Variants in KMT2C observed in about 807,000 individuals in gnomAD.
KMT2C encodes the protein histone-lysine N-methyltransferase 2C.
A neutral mutation model predicts 507.9 loss-of-function variants in KMT2C; 88 were observed. The observed-to-expected ratio is 0.17, with a 90% CI of 0.15 to 0.21. KMT2C has a LOEUF of 0.21. Ranked by LOEUF, KMT2C falls within the 10% of genes least tolerant of loss-of-function variation. KMT2C has a pLI of 1.00. For missense variants in KMT2C, 4,954 were observed against 5,957.8 expected (o/e 0.83, Z 5.55); for synonymous variants, 2,049 against 2,080.8 (o/e 0.98, Z 0.42).
chr7:152,195,056 AT>A, intron 28 of KMT2C, among the ~76,000 whole-genome samples: 1 of 152,316 alleles, frequency 6.6e-6, no homozygotes, highest in East Asian at 1.9e-4. Flanking sequence ...TATAGGTAAT[AT>A]TTTTAAAGTA....
chr7:152,136,598 G>T lies in KMT2C; in HGVS notation c.*234C>A. ...GAAAAGAAAAAAAAGCAAAAGTGCT[G>T]GACCATTCTGTGATTCCGTTTAACC... On this transcript the variant is annotated 3_prime_UTR_variant, in exon 59 of 59. Coordinates refer to ENST00000262189, the MANE Select transcript of KMT2C (RefSeq NM_170606.3). 2.0e-6 allele frequency: 1 copy of T among 511,688 alleles called. No individual in the cohort carries two copies. Among genetic ancestry groups the T allele is most frequent in the Non-Finnish European group, 3.5e-6 (1 of 287,420 alleles). 31.7% of individuals were successfully genotyped at this position (511,688 alleles called of 1,614,324 possible).
At chr7:152,190,425 T>C (rs1379861261) in intron 31 of KMT2C, among the ~76,000 whole-genome samples, 1 of 152,220 alleles carries the variant, frequency 6.6e-6, no homozygotes, top group African/African-American at 2.4e-5. Context: ...CTTTATGCTA[T>C]GCTAAGCACT....
chr7:152,358,678 A>G lies in KMT2C; in HGVS notation c.162-3T>C, dbSNP rs2129231540. ...CAGTTTTCCCCCTACTTCGAGGTCT[A>G]CAGAAAAAAAAAAAAATAATAAGTA... On this transcript the variant is annotated splice_polypyrimidine_tract_variant and splice_region_variant and intron_variant, in intron 1 of 58. Coordinates refer to ENST00000262189, the MANE Select transcript of KMT2C (RefSeq NM_170606.3). The G allele has an allele frequency of 6.4e-7, 1 of 1,566,840 alleles. No individual in the cohort carries two copies. Among genetic ancestry groups the G allele is most frequent in the Non-Finnish European group, 8.7e-7 (1 of 1,146,306 alleles).
intron 36 of KMT2C, 150 bp from the exon 37 acceptor site, chr7:152,180,276 C>G: frequency 1.2e-6 from 1 of 805,634 alleles, no homozygotes; most frequent in Non-Finnish European, 2.0e-6. Context: ...CTGTCTCAGC[C>G]TCTCAAGTAG....
At chr7:152,196,843 A>G (rs1367895921) in intron 27 of KMT2C, among the ~76,000 whole-genome samples, 1 of 152,232 alleles carries the variant, frequency 6.6e-6, no homozygotes, top group Non-Finnish European at 1.5e-5. Context: ...CAAAGCAGAC[A>G]TAAAGCCCCT....
rs1476898395 is a variant in KMT2C, at chr7:152,181,268, T to C, written c.6592A>G (p.Arg2198Gly). The change falls in exon 36 of 59, where the codon AGG becomes GGG. Residue 2198 changes from arginine (R) to glycine (G), a missense_variant. Arg to Gly is a moderately radical substitution (Grantham distance 125, BLOSUM62 -2). Transcript: ENST00000262189. ...DLFVTPVTNQ[R>G]HSDPYAHPPG... Reference sequence around the variant, plus strand: ...GGATGAGCATATGGATCAGAATGCCTCTGATTTGTTACAGGTGTAACAAAC... The same window carrying C: ...GGATGAGCATATGGATCAGAATGCCCCTGATTTGTTACAGGTGTAACAAAC... 2 of 1,614,012 alleles carry C rather than the reference T, an allele frequency of 1.2e-6. No homozygotes were observed. The highest frequency in any genetic ancestry group is 2.2e-5 in the South Asian group (2 of 91,078).
Position 152,178,017 on chromosome 7 carries a change from A to G in KMT2C, c.7443-7T>C, listed in dbSNP as rs770119347. 1 of 371,344 alleles carries G rather than the reference A, an allele frequency of 2.7e-6. No homozygotes were observed. 23.0% of individuals were successfully genotyped at this position (371,344 alleles called of 1,614,324 possible). A position where few individuals can be genotyped will look rare whatever the true frequency, so the allele number is the denominator to read the frequency against. On this transcript the variant is annotated splice_polypyrimidine_tract_variant and splice_region_variant and intron_variant, in intron 37 of 58. Transcript: ENST00000262189. ...ACCTCCTGGAAATCCAAATCTTTTA[A>G]AAAAAAAAAAAAAAAAAAAAAAAAA...
intron 3 of KMT2C, among the ~76,000 whole-genome samples, chr7:152,323,834 T>G (rs55695505): frequency 0.35 from 44,846 of 126,744 alleles, 10,892 homozygotes; most frequent in African/African-American, 0.71. Flanking sequence ...TAAGGAAGAG[T>G]GGGGAGAGAG....
Position 152,265,355 on chromosome 7 carries a change from G to T in KMT2C, c.1013-146C>A, listed in dbSNP as rs568431788. ...CATTGAATTGTCATCTAATCAGAAA[G>T]AGGTACCAATAAAAACACTGTAGGG... On this transcript the variant is annotated intron_variant, in intron 7 of 58. Coordinates refer to ENST00000262189, the MANE Select transcript of KMT2C (RefSeq NM_170606.3). The T allele has an allele frequency of 7.4e-5, 86 of 1,156,204 alleles. No homozygotes were observed. The African/African-American group carries it at 1.2e-3, about 16-fold the overall frequency. The allele number at this position is 1,156,204 out of a possible 1,614,324, so 71.6% of individuals were successfully genotyped here. A position where few individuals can be genotyped will look rare whatever the true frequency, so the allele number is the denominator to read the frequency against.
chr7:152,297,057 G>GACAGAAAGAA (rs756980169), intron 6 of KMT2C, among the ~76,000 whole-genome samples: 6 of 90,694 alleles, frequency 6.6e-5, no homozygotes, highest in African/African-American at 2.9e-4. Context: ...AAGAAAGACA[G>GACAGAAAGAA]AGAGAGAGAG....
chr7:152,368,735 T>C (rs2097267997), intron 1 of KMT2C: 7 of 1,016,748 alleles, frequency 6.9e-6, no homozygotes, highest in Non-Finnish European at 1.5e-6. Context: ...TTGGATCCGT[T>C]TGACCAATAT....
At chr7:152,387,280 CATG>C (rs1163586740) in intron 1 of KMT2C, among the ~76,000 whole-genome samples, 1 of 151,712 alleles carries the variant, frequency 6.6e-6, no homozygotes, top group Non-Finnish European at 1.5e-5. Flanking sequence ...CTGACAGTTA[CATG>C]ATGTGATTTC....
At chr7:152,175,851 G>A (rs965574602) in intron 38 of KMT2C, among the ~76,000 whole-genome samples, 1 of 152,136 alleles carries the variant, frequency 6.6e-6, no homozygotes, top group Non-Finnish European at 1.5e-5. Flanking sequence ...GACCAGCCTG[G>A]CCAACATGGT....
At chr7:152,258,629 A>AT (rs1381372721) in intron 9 of KMT2C, among the ~76,000 whole-genome samples, 1 of 152,002 alleles carries the variant, frequency 6.6e-6, no homozygotes, top group Non-Finnish European at 1.5e-5. Flanking sequence ...GGTTCAAGCA[A>AT]TTCTCCTGTC....
chr7:152,249,158 G>A (rs188469824), intron 13 of KMT2C, among the ~76,000 whole-genome samples: 18 of 152,022 alleles, frequency 1.2e-4, no homozygotes, highest in Admixed American at 1.2e-3. Context: ...CTAATCTCAG[G>A]AAATCTATAA....
chr7:152,140,135 T>A (rs903090872), intron 55 of KMT2C, among the ~76,000 whole-genome samples: 1 of 152,206 alleles, frequency 6.6e-6, no homozygotes, highest in African/African-American at 2.4e-5. Flanking sequence ...TATTGACTTG[T>A]GGTGTTTATT....
intron 2 of KMT2C, among the ~76,000 whole-genome samples, chr7:152,353,832 A>C (rs2097132335): frequency 6.6e-6 from 1 of 152,180 alleles, no homozygotes; most frequent in African/African-American, 2.4e-5. Flanking sequence ...ACATTAAGTA[A>C]GCATGTCAAG....
intron 43 of KMT2C, among the ~76,000 whole-genome samples, chr7:152,160,435 T>A (rs1485726882): frequency 3.9e-5 from 6 of 152,154 alleles, no homozygotes; most frequent in African/African-American, 1.4e-4. Context: ...ATCACCTGCC[T>A]AGAGCAGTAC....
intron 50 of KMT2C, among the ~76,000 whole-genome samples, 157 bp downstream of exon 50, chr7:152,151,285 A>C (rs953753780): frequency 2.6e-5 from 4 of 152,188 alleles, no homozygotes; most frequent in African/African-American, 9.7e-5. Context: ...TTTGGTGTTC[A>C]GCCCAAGCAC....
Sources: allele counts gnomAD v4.1 joint callset (sites outside exome capture counted in the v4.1 genomes callset), GRCh38; gene constraint gnomAD v4.1.1; transcripts MANE v1.5; gene names NCBI Gene and HGNC (gene_info 2026-07-23, HGNC 2026-07-21).